UBXN4: variants seen among roughly 807,000 people sequenced by gnomAD.
UBXN4 encodes the protein UBX domain-containing protein 4.
In UBXN4, 35 loss-of-function variants were observed where a neutral mutation model predicts 66.2. The observed-to-expected ratio is 0.53, with a 90% CI of 0.40 to 0.70. The LOEUF is 0.70. Among genes scored for constraint, UBXN4 ranks in the 30% least tolerant of loss-of-function variants. UBXN4 has a pLI of 0.00. For synonymous variants in UBXN4, 203 were observed against 204.5 expected (o/e 0.99, Z 0.06); for missense variants, 533 against 599.8 (o/e 0.89, Z 1.16).
At chr2:135,768,954 A>G (rs2077365647) in intron 6 of UBXN4, among the ~76,000 whole-genome samples, 1 of 152,060 alleles carries the variant, frequency 6.6e-6, no homozygotes, top group South Asian at 2.1e-4. Flanking sequence ...CTCCTGCCTC[A>G]GCCTCCTGCA....
At position 135,784,439 on chromosome 2, in the gene UBXN4, A is replaced by G. The variant is rs2077471200; in HGVS notation, c.*1552A>G. On this transcript the variant is annotated 3_prime_UTR_variant, in exon 13 of 13. Transcript: ENST00000272638. The stretch of plus-strand genomic sequence containing the variant: ...TCAGCTTTGCAAACACATTTTCTAC[A>G]TAGATAGTACTAGGTATTAATAGAT... 6.6e-6 allele frequency: 1 copy of G among 152,294 alleles called. No homozygotes were observed. The highest frequency in any genetic ancestry group is 2.4e-5 in the African/African-American group (1 of 41,564). 9.4% of individuals were successfully genotyped at this position (152,294 alleles called of 1,614,324 possible). A position where few individuals can be genotyped will look rare whatever the true frequency, so the allele number is the denominator to read the frequency against.
At chr2:135,776,559 T>C (rs2077416121) in intron 10 of UBXN4, among the ~76,000 whole-genome samples, 2 of 152,304 alleles carry the variant, frequency 1.3e-5, no homozygotes, top group African/African-American at 4.8e-5. Flanking sequence ...GAAGTAGGAA[T>C]TTGCTGATAT....
chr2:135,747,634 CTT>C (rs1181454705), intron 1 of UBXN4: 1 of 456,392 alleles, frequency 2.2e-6, no homozygotes, highest in South Asian at 1.5e-5. Flanking sequence ...AGATATCAAA[CTT>C]TTTATTTTTC....
chr2:135,746,963 G>A (rs2105490735), intron 1 of UBXN4, among the ~76,000 whole-genome samples: 1 of 152,190 alleles, frequency 6.6e-6, no homozygotes, highest in Middle Eastern at 3.4e-3. Context: ...TAGGCTTCCA[G>A]GTGAGATGTG....
At chr2:135,769,676 CT>C in intron 6 of UBXN4, 92 bp from the exon 7 acceptor site, 1 of 936,984 alleles carries the variant, frequency 1.1e-6, no homozygotes. Context: ...TTCTTTATTT[CT>C]CCAATTGTTT....
At chr2:135,757,791 T>A (rs928241909) in intron 5 of UBXN4, among the ~76,000 whole-genome samples, 3 of 151,970 alleles carry the variant, frequency 2.0e-5, no homozygotes, top group African/African-American at 7.3e-5. Context: ...AAAAATTTTT[T>A]TTTTTTTTTG....
intron 2 of UBXN4, among the ~76,000 whole-genome samples, chr2:135,750,850 T>C: frequency 6.7e-5 from 1 of 14,858 alleles, no homozygotes; most frequent in Non-Finnish European, 3.4e-4. Flanking sequence ...TTTTTTTTTT[T>C]TTTTTTTTTT....
intron 1 of UBXN4, among the ~76,000 whole-genome samples, chr2:135,746,710 A>G (rs980344913): frequency 1.3e-5 from 2 of 152,188 alleles, no homozygotes; most frequent in Admixed American, 6.5e-5. Flanking sequence ...AGTGTCTTTC[A>G]TATTTGAGGA....
At chr2:135,769,891 C>T (rs2105504627) in intron 7 of UBXN4, 68 bp downstream of exon 7, 1 of 1,283,294 alleles carries the variant, frequency 7.8e-7, no homozygotes, top group Non-Finnish European at 1.1e-6. Flanking sequence ...TTATTCTATT[C>T]AGTGTGGCAG....
chr2:135,744,636 A>G (rs544402092), intron 1 of UBXN4, among the ~76,000 whole-genome samples: 3 of 152,196 alleles, frequency 2.0e-5, no homozygotes, highest in Non-Finnish European at 4.4e-5. Flanking sequence ...TTTATTTTAC[A>G]TCGGAAAGAC....
chr2:135,747,701 C>G (rs576979034), intron 1 of UBXN4: 21 of 456,256 alleles, frequency 4.6e-5, no homozygotes, highest in African/African-American at 4.2e-4. Flanking sequence ...GTGGTGCAAT[C>G]TCCGCTCACT....
At position 135,741,916 on chromosome 2, in the gene UBXN4, G is replaced by A. The variant is rs1210299086; in HGVS notation, c.-14G>A. The A allele has an allele frequency of 2.5e-6, 4 of 1,609,788 alleles. No individual in the cohort carries two copies. The highest frequency in any genetic ancestry group is 3.4e-6 in the Non-Finnish European group (4 of 1,178,422). On this transcript the variant is annotated 5_prime_UTR_variant, in exon 1 of 13. Coordinates refer to ENST00000272638, the MANE Select transcript of UBXN4 (RefSeq NM_014607.4). ...GACTACACACCGAGCGAGCGCCTGG[G>A]CCCGAAGGGAGCGATGCTGTGGTTC...
At chr2:135,776,005 G>GT (rs1377225649) in intron 9 of UBXN4, among the ~76,000 whole-genome samples, 5 of 152,176 alleles carry the variant, frequency 3.3e-5, no homozygotes, top group African/African-American at 1.2e-4. Flanking sequence ...CTGACCTCAG[G>GT]TGATCCGCCC....
At chr2:135,751,457 G>A (rs1454306382) in intron 2 of UBXN4, among the ~76,000 whole-genome samples, 1 of 151,754 alleles carries the variant, frequency 6.6e-6, no homozygotes, top group African/African-American at 2.4e-5. Context: ...CAAAGTGCTG[G>A]GATTACAGGT....
chr2:135,742,667 C>G (rs2077183458), intron 1 of UBXN4: 2 of 152,220 alleles, frequency 1.3e-5, no homozygotes. Flanking sequence ...GCTGTGTCAT[C>G]GATAAGCAAC....
chr2:135,748,495 T>G, intron 2 of UBXN4, 126 bp downstream of exon 2: 1 of 596,330 alleles, frequency 1.7e-6, no homozygotes, highest in Non-Finnish European at 2.5e-6. Context: ...TTTGGGAGAC[T>G]GAGGTGGGAG....
chr2:135,784,119 G>A lies in UBXN4; in HGVS notation c.*1232G>A, dbSNP rs1364817118. ...GCGCTGTTGGTAGGAGTGAAAACCA[G>A]TATAATTCTTCTGAAAAACATTTAT... On this transcript the variant is annotated 3_prime_UTR_variant, in exon 13 of 13. Coordinates refer to ENST00000272638, the MANE Select transcript of UBXN4 (RefSeq NM_014607.4). 1 of 152,148 alleles carries A rather than the reference G, an allele frequency of 6.6e-6. No individual in the cohort carries two copies. The highest frequency in any genetic ancestry group is 2.4e-5 in the African/African-American group (1 of 41,446). 9.4% of individuals were successfully genotyped at this position (152,148 alleles called of 1,614,324 possible).
intron 8 of UBXN4, 106 bp from the exon 9 acceptor site, chr2:135,772,314 C>A: frequency 7.3e-7 from 1 of 1,364,242 alleles, no homozygotes; most frequent in Non-Finnish European, 9.9e-7. Context: ...CACAGCAAGA[C>A]CCTGTCTCTT....
chr2:135,779,879 TTATAA>T (rs543503017), intron 11 of UBXN4, among the ~76,000 whole-genome samples: 141 of 65,922 alleles, frequency 2.1e-3, no homozygotes, highest in Admixed American at 3.2e-3. Flanking sequence ...AATTTTATAA[TTATAA>T]TATATTATAT....
Sources: allele counts gnomAD v4.1 joint callset (sites outside exome capture counted in the v4.1 genomes callset), GRCh38; gene constraint gnomAD v4.1.1; transcripts MANE v1.5; gene names NCBI Gene and HGNC (gene_info 2026-07-23, HGNC 2026-07-21).